BMPR1B: variants seen among roughly 807,000 people sequenced by gnomAD.
BMPR1B encodes bone morphogenetic protein receptor type 1B, also known as bone morphogenetic protein receptor type-1B.
In BMPR1B, 12 loss-of-function variants were observed where a neutral mutation model predicts 59.1. The observed-to-expected ratio is 0.20, with a 90% CI of 0.13 to 0.33. The LOEUF (loss-of-function observed/expected upper bound fraction) is 0.33. Among genes scored for constraint, BMPR1B ranks in the 10% least tolerant of loss-of-function variants. BMPR1B has a pLI of 1.00. For missense variants in BMPR1B, 550 were observed against 610.9 expected (o/e 0.90, Z 1.05); for synonymous variants, 237 against 207.3 (o/e 1.14, Z -1.23).
At chr4:95,132,047 G>C (rs1733397182) in intron 10 of BMPR1B, among the ~76,000 whole-genome samples, 1 of 152,148 alleles carries the variant, frequency 6.6e-6, no homozygotes. Flanking sequence ...GACCCTTAGG[G>C]CTGCTTGGGT....
intron 3 of BMPR1B, among the ~76,000 whole-genome samples, chr4:94,997,277 C>G (rs1475296429): frequency 6.6e-6 from 1 of 152,192 alleles, no homozygotes; most frequent in African/African-American, 2.4e-5. Context: ...GAGATTGATG[C>G]TGCTGTAGAG....
At position 94,841,368 on chromosome 4, in the gene BMPR1B, C is replaced by T. The variant is rs557180178; in HGVS notation, c.-182-34463C>T. ...GGGCGCCCCTCCCCCAGCCTCGCTG[C>T]CGCCTTGCAGTTTGATCTCAGACTG... On this transcript the variant is annotated intron_variant, in intron 1 of 12. Coordinates refer to ENST00000515059, the MANE Select transcript of BMPR1B (RefSeq NM_001203.3). Among the ~76,000 whole-genome samples, 1,376 of 150,340 alleles carry T rather than the reference C, an allele frequency of 9.2e-3. 30 individuals are homozygous for T. The highest frequency in any genetic ancestry group is 0.032 in the African/African-American group (1,305 of 40,868).
chr4:95,017,885 T>G (rs766713944), intron 3 of BMPR1B, among the ~76,000 whole-genome samples: 10 of 152,206 alleles, frequency 6.6e-5, no homozygotes, highest in Non-Finnish European at 1.3e-4. Context: ...TCTAGAGAGA[T>G]AAGATGCTTT....
chr4:94,845,775 A>C (rs1460222480), intron 1 of BMPR1B, among the ~76,000 whole-genome samples: 1 of 152,218 alleles, frequency 6.6e-6, no homozygotes. Flanking sequence ...ACCAGTTTTT[A>C]ATTGAAATTC....
intron 1 of BMPR1B, among the ~76,000 whole-genome samples, chr4:94,766,858 T>C (rs2110563771): frequency 6.6e-6 from 1 of 152,274 alleles, no homozygotes; most frequent in Middle Eastern, 3.4e-3. Context: ...TTCAGATGAT[T>C]GGTAATCTAC....
Position 94,775,628 on chromosome 4 carries a change from G to C in BMPR1B, c.-183+17560G>C, listed in dbSNP as rs114533751. Among the ~76,000 whole-genome samples, 663 of 152,300 alleles carry C rather than the reference G, an allele frequency of 4.4e-3. 4 individuals carry two copies. The highest frequency in any genetic ancestry group is 0.015 in the African/African-American group (642 of 41,538). ...ATGTCTGGTTAACTTTAGCATTAGT[G>C]AAGCTTGAATAGATTTTAATATTAA... On this transcript the variant is annotated intron_variant, in intron 1 of 12. Coordinates refer to ENST00000515059, the MANE Select transcript of BMPR1B (RefSeq NM_001203.3).
At chr4:94,860,908 ATATGTG>A (rs1725953738) in intron 1 of BMPR1B, among the ~76,000 whole-genome samples, 1 of 147,154 alleles carries the variant, frequency 6.8e-6, no homozygotes, top group South Asian at 2.1e-4. Context: ...ATTCCTTCAT[ATATGTG>A]TATATCTCTT....
intron 3 of BMPR1B, among the ~76,000 whole-genome samples, chr4:95,100,701 C>T (rs930377658): frequency 6.6e-6 from 1 of 152,110 alleles, no homozygotes; most frequent in Non-Finnish European, 1.5e-5. Flanking sequence ...GATTCATGCT[C>T]TAAGTTACTT....
At chr4:94,760,076 T>G (rs977991809) in intron 1 of BMPR1B, among the ~76,000 whole-genome samples, 18 of 152,264 alleles carry the variant, frequency 1.2e-4, no homozygotes, top group Admixed American at 1.1e-3. Context: ...ATTACTCATG[T>G]GCTAGGGGCC....
intron 2 of BMPR1B, among the ~76,000 whole-genome samples, chr4:94,955,894 G>A (rs1730124757): frequency 6.6e-6 from 1 of 151,802 alleles, no homozygotes; most frequent in African/African-American, 2.4e-5. Context: ...CTCCCAAAGT[G>A]CTGGGATTAC....
intron 10 of BMPR1B, among the ~76,000 whole-genome samples, chr4:95,131,780 C>T (rs963811881): frequency 6.6e-6 from 1 of 152,112 alleles, no homozygotes; most frequent in Non-Finnish European, 1.5e-5. Context: ...TAGCTAATTC[C>T]TGGGAATACG....
intron 8 of BMPR1B, among the ~76,000 whole-genome samples, chr4:95,127,127 T>C (rs149200648): frequency 2.0e-4 from 31 of 152,028 alleles, no homozygotes; most frequent in African/African-American, 7.5e-4. Context: ...TAACTCCTTA[T>C]ACATTCAGTT....
At chr4:94,796,989 GT>G (rs1196734793) in intron 1 of BMPR1B, among the ~76,000 whole-genome samples, 17 of 152,154 alleles carry the variant, frequency 1.1e-4, no homozygotes, top group African/African-American at 3.9e-4. Context: ...GTATTAGTCT[GT>G]TTTCATGCTG....
chr4:95,075,690 C>A (rs1466162741), intron 3 of BMPR1B, among the ~76,000 whole-genome samples: 1 of 151,734 alleles, frequency 6.6e-6, no homozygotes, highest in Non-Finnish European at 1.5e-5. Context: ...TACCGTAAGG[C>A]TTCTGTCTCT....
At chr4:94,909,390 A>T (rs935196531) in intron 2 of BMPR1B, among the ~76,000 whole-genome samples, 1 of 151,922 alleles carries the variant, frequency 6.6e-6, no homozygotes, top group African/African-American at 2.4e-5. Context: ...TGGAAAAACA[A>T]TTGCCAGACT....
At chr4:95,104,320 T>C in intron 3 of BMPR1B, 88 bp from the exon 4 acceptor site, 2 of 1,428,470 alleles carry the variant, frequency 1.4e-6, no homozygotes, top group Non-Finnish European at 1.9e-6. Context: ...ATACTTCATT[T>C]TAAAATGTAA....
chr4:95,109,750 ACAATGTGCAGCTTTGT>A (rs1731480980), intron 4 of BMPR1B, among the ~76,000 whole-genome samples: 4 of 151,720 alleles, frequency 2.6e-5, no homozygotes, highest in Admixed American at 1.3e-4. Flanking sequence ...GGACGTGTGC[ACAATGTGCAGCTTTGT>A]TACATATGTA....
chr4:94,890,684 GTC>G (rs373566249), intron 2 of BMPR1B, among the ~76,000 whole-genome samples: 1 of 152,112 alleles, frequency 6.6e-6, no homozygotes, highest in African/African-American at 2.4e-5. Flanking sequence ...TTCTGGTGAG[GTC>G]TCTCTTTCTA....
intron 1 of BMPR1B, among the ~76,000 whole-genome samples, chr4:94,764,622 A>G (rs1560804950): frequency 6.6e-6 from 1 of 152,172 alleles, no homozygotes; most frequent in Non-Finnish European, 1.5e-5. Context: ...TTGGATTGAT[A>G]AGAACAGTCG....
Sources: gnomAD v4.1 joint callset for allele counts (sites outside exome capture counted in the v4.1 genomes callset) on GRCh38, gnomAD v4.1.1 for gene constraint, MANE v1.5 for transcripts, NCBI Gene and HGNC (gene_info 2026-07-23, HGNC 2026-07-21) for gene names.